ANKRD26: variants seen among roughly 807,000 people sequenced by gnomAD.
The protein encoded by ANKRD26 is ankyrin repeat domain 26, also known as ankyrin repeat domain-containing protein 26.
In ANKRD26, 141 loss-of-function variants were observed where a neutral mutation model predicts 208.7. The ratio of observed to expected loss-of-function variants is 0.68; its 90% CI spans 0.59 to 0.78. ANKRD26 has a LOEUF of 0.78. Among genes scored for constraint, ANKRD26 ranks in the 30% least tolerant of loss-of-function variants. The pLI, the probability that ANKRD26 is intolerant of heterozygous loss-of-function variation, is 0.00. For missense variants in ANKRD26, 1,889 were observed against 1,938.7 expected, an observed-to-expected ratio of 0.97 and a Z score of 0.48; for synonymous variants, 636 against 660.4, an observed-to-expected ratio of 0.96 and a Z score of 0.57.
chr10:27,020,098 T>A (rs1207661774), intron 29 of ANKRD26, among the ~76,000 whole-genome samples: 3 of 152,234 alleles, frequency 2.0e-5, no homozygotes, highest in African/African-American at 7.2e-5. Context: ...TACCACATTC[T>A]ATTCATTAGA....
At chr10:27,038,599 C>T (rs1163979828) in intron 21 of ANKRD26, among the ~76,000 whole-genome samples, 5 of 150,194 alleles carry the variant, frequency 3.3e-5, no homozygotes, top group Non-Finnish European at 5.9e-5. Context: ...TGCAGTGAGC[C>T]GAGATTGTGC....
chr10:27,080,472 T>C (rs951551967), intron 6 of ANKRD26, among the ~76,000 whole-genome samples: 1 of 152,210 alleles, frequency 6.6e-6, no homozygotes, highest in Non-Finnish European at 1.5e-5. Context: ...TTAAAAGTTA[T>C]AAAATCCAAT....
chr10:27,091,996 A>AT (rs2056315877), intron 4 of ANKRD26, among the ~76,000 whole-genome samples: 1 of 152,114 alleles, frequency 6.6e-6, no homozygotes, highest in African/African-American at 2.4e-5. Context: ...AAAAAAAAAA[A>AT]AAGTAAACTA....
At chr10:27,094,588 T>C (rs1385075609) in intron 1 of ANKRD26, among the ~76,000 whole-genome samples, 1 of 152,244 alleles carries the variant, frequency 6.6e-6, no homozygotes, top group Non-Finnish European at 1.5e-5. Flanking sequence ...TTTAGAACAG[T>C]TCCTAGCACA....
intron 15 of ANKRD26, among the ~76,000 whole-genome samples, chr10:27,054,595 A>C (rs1484170076): frequency 6.6e-6 from 1 of 152,188 alleles, no homozygotes; most frequent in Non-Finnish European, 1.5e-5. Flanking sequence ...AATGTAAATA[A>C]AAGTGTCAAA....
intron 29 of ANKRD26, among the ~76,000 whole-genome samples, chr10:27,019,991 G>A (rs975142179): frequency 3.9e-5 from 6 of 152,186 alleles, no homozygotes; most frequent in Non-Finnish European, 7.3e-5. Flanking sequence ...TTTGTGTCCT[G>A]AGCTTCCTCA....
chr10:27,022,472 CT>C, intron 29 of ANKRD26, 85 bp downstream of exon 29: 1 of 1,080,030 alleles, frequency 9.3e-7, no homozygotes, highest in Non-Finnish European at 1.3e-6. Flanking sequence ...AAAAAAAAAT[CT>C]TTATTTCACT....
intron 18 of ANKRD26, among the ~76,000 whole-genome samples, chr10:27,045,830 A>T (rs546448308): frequency 5.3e-5 from 8 of 152,320 alleles, no homozygotes; most frequent in African/African-American, 1.9e-4. Flanking sequence ...ATATTACAAT[A>T]CTCCATTTTT....
rs758232827 is a variant in ANKRD26, at chr10:27,093,514, T to C, written c.366A>G (p.Gln122=). ...ENRTALMKAV[Q]CQEEKCATIL... is the part of the protein sequence containing the mutation. ...TAGTTGCACATTTCTCTTCCTGGCA[T>C]TGTACAGCCTGGGAGTATTAGACCA... The change falls in exon 3 of 34, where the codon CAA becomes CAG. Residue 122 remains glutamine (Q), a synonymous_variant. Transcript: ENST00000376087. 5.0e-6 allele frequency: 8 copies of C among 1,614,066 alleles called. No homozygotes were observed. Among genetic ancestry groups the C allele is most frequent in the African/African-American group, 1.3e-5 (1 of 74,952 alleles).
chr10:26,995,750 GA>G (rs1174002877), intron 4 of ANKRD26, among the ~76,000 whole-genome samples: 5 of 152,140 alleles, frequency 3.3e-5, no homozygotes, highest in Admixed American at 3.3e-4. Context: ...CATTCATCTT[GA>G]GACACCTTGT....
chr10:26,987,304 T>C (rs112924241), downstream of ANKRD26, among the ~76,000 whole-genome samples: 7 of 152,218 alleles, frequency 4.6e-5, no homozygotes, highest in African/African-American at 1.7e-4. Flanking sequence ...GGGGGATGGA[T>C]AGCATTAGGA....
In ANKRD26 at chr10:27,010,584, C is replaced by T. The variant is rs117208535; in HGVS notation, c.4953+2298G>A. Among the ~76,000 whole-genome samples, 1,013 of 152,266 alleles carry T rather than the reference C, an allele frequency of 6.7e-3. 39 individuals carry two copies. In the East Asian group the frequency reaches 0.11, roughly 17 times the overall value. On this transcript the variant is annotated intron_variant, in intron 32 of 33. Transcript: ENST00000376087. Reference sequence around the variant, plus strand: ...GATCATAGCTCACTGTAGCCTTGAGCTCCTGAGCTCAAGTGATTCTCCTGC... The same window carrying T: ...GATCATAGCTCACTGTAGCCTTGAGTTCCTGAGCTCAAGTGATTCTCCTGC...
At chr10:27,029,541 C>T (rs1409236527) in intron 25 of ANKRD26, among the ~76,000 whole-genome samples, 185 bp from the exon 26 acceptor site, 1 of 152,110 alleles carries the variant, frequency 6.6e-6, no homozygotes, top group East Asian at 1.9e-4. Flanking sequence ...TCTACGGCTC[C>T]CAAAGCCTAA....
downstream of ANKRD26, among the ~76,000 whole-genome samples, chr10:26,989,642 T>C (rs1283128956): frequency 6.6e-6 from 1 of 152,118 alleles, no homozygotes; most frequent in Non-Finnish European, 1.5e-5. Context: ...TGTTACTGAT[T>C]GTTCCCTAAA....
chr10:27,022,734 C>T lies in ANKRD26; in HGVS notation c.4086-47G>A, dbSNP rs777154685. 3 of 1,504,350 alleles carry T rather than the reference C, an allele frequency of 2.0e-6. No homozygotes were observed. In the South Asian group the frequency reaches 3.5e-5, roughly 17 times the overall value. The allele number at this position is 1,504,350 out of a possible 1,614,324, so 93.2% of individuals were successfully genotyped here. ...GTAACTCAAGTTTTAAAAAGGCAAA[C>T]ATTTAATAATTATTTAAACAGATAT... On this transcript the variant is annotated intron_variant, in intron 28 of 33. Transcript: ENST00000376087.
At chr10:27,020,513 A>C (rs930906933) in intron 29 of ANKRD26, among the ~76,000 whole-genome samples, 1 of 151,714 alleles carries the variant, frequency 6.6e-6, no homozygotes, top group African/African-American at 2.4e-5. Context: ...CTGTACTTCC[A>C]TGAGCTCGGT....
intron 22 of ANKRD26, among the ~76,000 whole-genome samples, 182 bp downstream of exon 22, chr10:27,037,687 CAG>C (rs1564377207): frequency 2.0e-5 from 3 of 152,072 alleles, no homozygotes; most frequent in African/African-American, 7.2e-5. Context: ...ATTCAGAAAA[CAG>C]AGACTAAGCA....
chr10:27,051,249 G>A (rs1259413423), intron 16 of ANKRD26: 2 of 1,289,534 alleles, frequency 1.6e-6, no homozygotes, highest in African/African-American at 3.0e-5. Flanking sequence ...ATAGTTATTA[G>A]CACTGCAATG....
chr10:26,957,898 G>A, the ANKRD26 span, among the ~76,000 whole-genome samples: 1 of 152,104 alleles, frequency 6.6e-6, no homozygotes, highest in Admixed American at 6.6e-5. Flanking sequence ...AAGAGGCAAA[G>A]TAATACAAGC....
Sources: gnomAD v4.1 joint callset for allele counts (sites outside exome capture counted in the v4.1 genomes callset) on GRCh38, gnomAD v4.1.1 for gene constraint, MANE v1.5 for transcripts, NCBI Gene and HGNC (gene_info 2026-07-23, HGNC 2026-07-21) for gene names.